The following ROR1 variants were observed in gnomAD, a reference collection of about 807,000 sequenced individuals.
ROR1 encodes inactive tyrosine-protein kinase transmembrane receptor ROR1.
A neutral mutation model predicts 78.8 loss-of-function variants in ROR1; 19 were observed. That is an observed-to-expected ratio of 0.24 (90% CI 0.17 to 0.35). The LOEUF (loss-of-function observed/expected upper bound fraction) is 0.35. Ranked by LOEUF, ROR1 falls within the 10% of genes least tolerant of loss-of-function variation. The pLI is 1.00. For synonymous variants in ROR1, 386 were observed against 433.6 expected (o/e 0.89, Z 1.36); for missense variants, 917 against 1,177.8 (o/e 0.78, Z 3.24).
At chr1:63,994,880 C>T (rs1309719095) in intron 1 of ROR1, among the ~76,000 whole-genome samples, 1 of 151,404 alleles carries the variant, frequency 6.6e-6, no homozygotes, top group Non-Finnish European at 1.5e-5. Flanking sequence ...ATCAAGTGCA[C>T]AGTAGCTTTG....
chr1:63,843,093 C>A (rs557756185), intron 1 of ROR1: 221 of 551,962 alleles, frequency 4.0e-4, no homozygotes, highest in Admixed American at 9.1e-4. Context: ...TGCTGGGATC[C>A]CCCCAGCCCC....
At chr1:64,027,420 C>T (rs1267608924) in intron 2 of ROR1, among the ~76,000 whole-genome samples, 1 of 152,154 alleles carries the variant, frequency 6.6e-6, no homozygotes, top group Non-Finnish European at 1.5e-5. Flanking sequence ...ATAACATCAA[C>T]TTATTAACTT....
intron 1 of ROR1, among the ~76,000 whole-genome samples, chr1:63,969,925 A>G (rs1646105978): frequency 6.6e-6 from 1 of 152,052 alleles, no homozygotes; most frequent in South Asian, 2.1e-4. Flanking sequence ...TGAGTTCTCC[A>G]GTCTAATTAC....
At chr1:63,974,096 A>T (rs944909023) in intron 1 of ROR1, among the ~76,000 whole-genome samples, 2 of 152,242 alleles carry the variant, frequency 1.3e-5, no homozygotes, top group Admixed American at 1.3e-4. Flanking sequence ...TTAAAGGGAA[A>T]TATTAAATAA....
Position 63,774,461 on chromosome 1 carries a change from C to CGCTGCTGGCCGCGCT in ROR1, c.57_71dup (p.Leu20_Ala24dup), listed in dbSNP as rs1553130529. The CGCTGCTGGCCGCGCT allele has an allele frequency of 6.8e-6, 8 of 1,168,766 alleles. No individual in the cohort carries two copies. The highest frequency in any genetic ancestry group is 4.9e-5 in the African/African-American group (3 of 61,460). The allele number at this position is 1,168,766 out of a possible 1,614,324, so 72.4% of individuals were successfully genotyped here. ...CGCGGGACGCGCCCGCCGCTCCTGG[C>CGCTGCTGGCCGCGCT]GCTGCTGGCCGCGCTGCTGCTGGCC... On this transcript the variant is annotated inframe_insertion, in exon 1 of 9. Coordinates refer to ENST00000371079, the MANE Select transcript of ROR1 (RefSeq NM_005012.4). The surrounding 1 kb of genome is among the most constrained non-coding windows in gnomAD (Gnocchi z 5.7).
intron 8 of ROR1, among the ~76,000 whole-genome samples, chr1:64,167,514 T>C (rs1291011678): frequency 1.3e-5 from 2 of 152,226 alleles, no homozygotes; most frequent in Non-Finnish European, 2.9e-5. Flanking sequence ...AAAATGTCCA[T>C]AACCTCCCAA....
chr1:64,149,444 T>A (rs1326143786), intron 7 of ROR1, among the ~76,000 whole-genome samples: 1 of 152,188 alleles, frequency 6.6e-6, no homozygotes, highest in African/African-American at 2.4e-5. Context: ...ATGCTGCCCA[T>A]TGATATTCTT....
intron 4 of ROR1, among the ~76,000 whole-genome samples, chr1:64,110,394 A>G (rs1183304988): frequency 6.6e-6 from 1 of 152,154 alleles, no homozygotes; most frequent in African/African-American, 2.4e-5. Context: ...TAACTTTTCT[A>G]AGGTCACACA....
intron 1 of ROR1, among the ~76,000 whole-genome samples, chr1:63,987,053 T>C (rs192885819): frequency 6.6e-6 from 1 of 152,260 alleles, no homozygotes; most frequent in East Asian, 1.9e-4. Flanking sequence ...GTTTTTTGCC[T>C]CAATTACCCA....
At chr1:63,829,704 T>C (rs1229011197) in intron 1 of ROR1, among the ~76,000 whole-genome samples, 1 of 152,096 alleles carries the variant, frequency 6.6e-6, no homozygotes, top group African/African-American at 2.4e-5. Context: ...ATGTGGCTCG[T>C]GATATAGTCT....
intron 7 of ROR1, among the ~76,000 whole-genome samples, chr1:64,147,926 G>A (rs72686925): frequency 0.2 from 30,857 of 152,070 alleles, 3,446 homozygotes; most frequent in African/African-American, 0.27. Flanking sequence ...GGATGCTACT[G>A]GCAACTGTTG....
At chr1:63,858,843 T>C (rs1645163535) in intron 1 of ROR1, among the ~76,000 whole-genome samples, 1 of 152,202 alleles carries the variant, frequency 6.6e-6, no homozygotes. Flanking sequence ...ATACTAAGTG[T>C]ACTACTCGGC....
At chr1:64,054,774 A>G (rs958696536) in intron 4 of ROR1, among the ~76,000 whole-genome samples, 5 of 152,224 alleles carry the variant, frequency 3.3e-5, no homozygotes, top group Admixed American at 2.6e-4. Context: ...ACTGCATGGC[A>G]AAAACAATAG....
intron 2 of ROR1, among the ~76,000 whole-genome samples, chr1:64,026,687 C>T (rs1304123299): frequency 6.6e-6 from 1 of 152,170 alleles, no homozygotes; most frequent in Non-Finnish European, 1.5e-5. Context: ...GAAGGGGAAG[C>T]AGGCATGTCT....
intron 8 of ROR1, among the ~76,000 whole-genome samples, chr1:64,175,232 T>C (rs1356408290): frequency 6.6e-6 from 1 of 152,100 alleles, no homozygotes; most frequent in Non-Finnish European, 1.5e-5. Flanking sequence ...CAAAGAAATA[T>C]GTTTCATGTG....
chr1:64,054,269 A>G (rs999757377), intron 4 of ROR1, among the ~76,000 whole-genome samples: 1 of 150,450 alleles, frequency 6.6e-6, no homozygotes, highest in Non-Finnish European at 1.5e-5. Flanking sequence ...AAATTTCTTA[A>G]GTCCTTGTCA....
chr1:63,794,792 C>T (rs1204772935), intron 1 of ROR1, among the ~76,000 whole-genome samples: 2 of 152,166 alleles, frequency 1.3e-5, no homozygotes, highest in Non-Finnish European at 2.9e-5. Flanking sequence ...AATAATAGCT[C>T]CCATTTTGTA....
chr1:64,022,568 G>T (rs834489), intron 2 of ROR1, among the ~76,000 whole-genome samples: 3 of 152,016 alleles, frequency 2.0e-5, no homozygotes, highest in African/African-American at 7.2e-5. Flanking sequence ...CCATTTCCCC[G>T]TAAGAGCCCT....
chr1:64,066,378 C>T (rs1197273597), intron 4 of ROR1, among the ~76,000 whole-genome samples: 4 of 149,580 alleles, frequency 2.7e-5, no homozygotes, highest in South Asian at 2.1e-4. Flanking sequence ...AGTGCAGTGG[C>T]GCCATCTTGG....
Sources: allele counts gnomAD v4.1 joint callset (sites outside exome capture counted in the v4.1 genomes callset), GRCh38; gene constraint gnomAD v4.1.1; non-coding constraint Gnocchi (gnomAD v3.1); transcripts MANE v1.5; gene names NCBI Gene and HGNC (gene_info 2026-07-23, HGNC 2026-07-21).